The following RYR3 variants were observed in gnomAD, a reference collection of about 807,000 sequenced individuals.
RYR3 encodes the protein ryanodine receptor 3.
In RYR3, 207 loss-of-function variants were observed where a neutral mutation model predicts 584.3. That is an observed-to-expected ratio of 0.35 (90% confidence interval 0.32 to 0.40). The LOEUF (loss-of-function observed/expected upper bound fraction) is 0.40. RYR3 is among the 10% of genes least tolerant of loss of function. The pLI, the probability that RYR3 is intolerant of heterozygous loss-of-function variation, is 1.00. For missense variants in RYR3, 5,616 were observed against 6,089.2 expected, an observed-to-expected ratio of 0.92 and a Z score of 2.59; for synonymous variants, 2,416 against 2,248.5, an observed-to-expected ratio of 1.07 and a Z score of -2.11.
In RYR3 at chr15:33,586,342, C is replaced by T. The variant is rs576609487; in HGVS notation, c.1788+226C>T. Among the ~76,000 whole-genome samples, 29 of 152,274 alleles carry T rather than the reference C, an allele frequency of 1.9e-4. No individual in the cohort carries two copies. In the South Asian group the frequency reaches 6.0e-3, roughly 32 times the overall value. On this transcript the variant is annotated intron_variant, in intron 16 of 103. Coordinates refer to ENST00000634891, the MANE Select transcript of RYR3 (RefSeq NM_001036.6). The stretch of plus-strand genomic sequence containing the variant: ...GTTTCCAACAGCTCCCCAGTCGCTG[C>T]TCATTATCATTAACCCTTAACACCA...
At chr15:33,479,233 T>G (rs1168838492) in intron 2 of RYR3, among the ~76,000 whole-genome samples, 1 of 152,140 alleles carries the variant, frequency 6.6e-6, no homozygotes, top group East Asian at 1.9e-4. Flanking sequence ...AAATAACTTA[T>G]TTTCTATTAT....
chr15:33,388,054 C>CA (rs538901734), intron 1 of RYR3, among the ~76,000 whole-genome samples: 10 of 152,246 alleles, frequency 6.6e-5, no homozygotes, highest in Non-Finnish European at 1.3e-4. Flanking sequence ...AGAGAAAACA[C>CA]AGTTTCTGAA....
At chr15:33,711,085 C>T (rs2067076716) in intron 43 of RYR3, among the ~76,000 whole-genome samples, 1 of 152,162 alleles carries the variant, frequency 6.6e-6, no homozygotes, top group African/African-American at 2.4e-5. Context: ...CTGAAAAAGC[C>T]TCTTCTTTCT....
intron 14 of RYR3, among the ~76,000 whole-genome samples, chr15:33,583,791 C>T (rs1225916766): frequency 2.6e-5 from 4 of 152,120 alleles, no homozygotes; most frequent in Non-Finnish European, 5.9e-5. Context: ...GTAGCTCGCT[C>T]CTGTAATCCC....
Position 33,336,476 on chromosome 15 carries a change from G to A in RYR3, c.51+25380G>A, listed in dbSNP as rs1463088330. ...AGAGAGAGAGAGAGAGAGAGAGAGA[G>A]AGAGAGAGAGAAAGAAAGAAAGAAA... On this transcript the variant is annotated intron_variant, in intron 1 of 103. Transcript: ENST00000634891. Among the ~76,000 whole-genome samples, 222 of 19,908 alleles carry A rather than the reference G, an allele frequency of 0.011. 89 individuals carry two copies. In the African/African-American group the frequency reaches 0.13, roughly 12 times the overall value. 13.1% of individuals were successfully genotyped at this position (19,908 alleles called of 152,430 possible). A position where few individuals can be genotyped will look rare whatever the true frequency, so the allele number is the denominator to read the frequency against.
At chr15:33,585,146 T>C (rs2058784538) in intron 15 of RYR3, among the ~76,000 whole-genome samples, 1 of 152,064 alleles carries the variant, frequency 6.6e-6, no homozygotes, top group South Asian at 2.1e-4. Context: ...TCTCGCAGTG[T>C]AGAAATGACA....
intron 2 of RYR3, among the ~76,000 whole-genome samples, chr15:33,482,819 G>GT (rs975130507): frequency 1.3e-5 from 2 of 151,968 alleles, no homozygotes; most frequent in African/African-American, 4.8e-5. Context: ...TTTGGTTGTT[G>GT]TTTTTCATTA....
rs751611050 is a variant in RYR3, at chr15:33,636,499, A to G, written c.3505A>G (p.Ile1169Val). The change falls in exon 27 of 104, where the codon ATC (isoleucine) becomes GTC (valine). Residue 1169 changes from isoleucine to valine, a missense_variant. Ile to Val is a conservative substitution (Grantham distance 29). Coordinates refer to ENST00000634891, the MANE Select transcript of RYR3 (RefSeq NM_001036.6). ...CTTCACACTGAATGGGGAGCTGCTG[A>G]TCACCAACAAAGGCTCTGAACTTGC... ...MIFTLNGELL[I>V]TNKGSELAFA... The G allele has an allele frequency of 6.2e-7, 1 of 1,611,994 alleles. No individual in the cohort carries two copies. The highest frequency in any genetic ancestry group is 1.1e-5 in the South Asian group (1 of 90,694).
At chr15:33,422,195 T>G (rs1290937332) in intron 1 of RYR3, among the ~76,000 whole-genome samples, 1 of 152,074 alleles carries the variant, frequency 6.6e-6, no homozygotes, top group Non-Finnish European at 1.5e-5. Flanking sequence ...ACTTTGATGG[T>G]TTTTTTGTTT....
chr15:33,362,627 C>T (rs568582427), intron 1 of RYR3, among the ~76,000 whole-genome samples: 1 of 152,350 alleles, frequency 6.6e-6, no homozygotes, highest in African/African-American at 2.4e-5. Flanking sequence ...CCTTCCTTGT[C>T]AGTCTCAGCT....
At chr15:33,728,811 T>A (rs1419191541) in intron 46 of RYR3, 46 bp from the exon 47 acceptor site, 11 of 1,564,992 alleles carry the variant, frequency 7.0e-6, no homozygotes, top group Middle Eastern at 3.4e-4. Context: ...CTTTTGAGAC[T>A]TTGGAGACAG....
At chr15:33,488,161 C>T (rs1596338052) in intron 2 of RYR3, among the ~76,000 whole-genome samples, 1 of 152,234 alleles carries the variant, frequency 6.6e-6, no homozygotes, top group East Asian at 1.9e-4. Context: ...ATACCAAACC[C>T]CTCTTCTTAT....
At chr15:33,358,484 T>A (rs1356401151) in intron 1 of RYR3, among the ~76,000 whole-genome samples, 1 of 152,146 alleles carries the variant, frequency 6.6e-6, no homozygotes. Flanking sequence ...TTAAGTCCTG[T>A]CTCCACAAAG....
chr15:33,699,867 A>G, intron 41 of RYR3, 34 bp downstream of exon 41: 1 of 1,598,438 alleles, frequency 6.3e-7, no homozygotes. Context: ...CCACATCCAA[A>G]CTCGAAGGTT....
At chr15:33,320,994 G>C (rs1968890352) in intron 1 of RYR3, among the ~76,000 whole-genome samples, 1 of 152,198 alleles carries the variant, frequency 6.6e-6, no homozygotes, top group Non-Finnish European at 1.5e-5. Flanking sequence ...AGCCTGCAAT[G>C]TTCATGGCCT....
chr15:33,739,725 G>A, intron 50 of RYR3, 107 bp from the exon 51 acceptor site: 2 of 912,548 alleles, frequency 2.2e-6, no homozygotes, highest in Non-Finnish European at 3.3e-6. Flanking sequence ...GGTTAACCTG[G>A]ATAAATGCGC....
chr15:33,313,152 T>A (rs1355146102), intron 1 of RYR3, among the ~76,000 whole-genome samples: 1 of 152,224 alleles, frequency 6.6e-6, no homozygotes, highest in Non-Finnish European at 1.5e-5. Context: ...ATGTATTTTT[T>A]AAGGTGTGTT....
chr15:33,411,270 T>A (rs1321970285), intron 1 of RYR3, among the ~76,000 whole-genome samples: 1 of 152,210 alleles, frequency 6.6e-6, no homozygotes, highest in Non-Finnish European at 1.5e-5. Flanking sequence ...TCACACTAAA[T>A]TTAAATAATG....
intron 1 of RYR3, among the ~76,000 whole-genome samples, chr15:33,342,672 C>A (rs1277332224): frequency 6.6e-6 from 1 of 152,140 alleles, no homozygotes; most frequent in Non-Finnish European, 1.5e-5. Context: ...TCCTTCCCCC[C>A]TTCTCCTAAA....
Sources: gnomAD v4.1 joint callset for allele counts (sites outside exome capture counted in the v4.1 genomes callset) on GRCh38, gnomAD v4.1.1 for gene constraint, MANE v1.5 for transcripts, NCBI Gene and HGNC (gene_info 2026-07-23, HGNC 2026-07-21) for gene names.